Variants in SCFD2 observed in about 807,000 individuals in gnomAD.
The protein encoded by SCFD2 is sec1 family domain-containing protein 2.
SCFD2 carries 54 observed loss-of-function variants against 58.9 expected under a neutral mutation model. That is an observed-to-expected ratio of 0.92 (90% CI 0.74 to 1.15). SCFD2 has a LOEUF of 1.15. SCFD2 is among the 50% of genes most tolerant of loss of function. The pLI, the probability that SCFD2 is intolerant of heterozygous loss-of-function variation, is 0.00. For synonymous variants in SCFD2, 321 were observed against 335.9 expected, an observed-to-expected ratio of 0.96 and a Z score of 0.49; for missense variants, 805 against 836.6, an observed-to-expected ratio of 0.96 and a Z score of 0.47.
At chr4:52,904,907 C>T (rs1053984595) in intron 7 of SCFD2, among the ~76,000 whole-genome samples, 7 of 152,196 alleles carry the variant, frequency 4.6e-5, no homozygotes, top group Admixed American at 3.9e-4. Flanking sequence ...TGGAGGTTCA[C>T]ATCTACTGCT....
intron 5 of SCFD2, among the ~76,000 whole-genome samples, chr4:53,003,452 A>G (rs1560507055): frequency 2.0e-5 from 3 of 152,236 alleles, no homozygotes. Context: ...AGCAGCTATC[A>G]TACTGGGTAA....
chr4:53,160,186 C>T (rs1055565074), intron 4 of SCFD2, among the ~76,000 whole-genome samples: 14 of 152,176 alleles, frequency 9.2e-5, no homozygotes, highest in Non-Finnish European at 1.8e-4. Context: ...GTGGTGTAGC[C>T]GGCCCATTGT....
intron 4 of SCFD2, among the ~76,000 whole-genome samples, chr4:53,253,151 C>G (rs1197664544): frequency 2.6e-5 from 4 of 152,216 alleles, no homozygotes; most frequent in Non-Finnish European, 5.9e-5. Context: ...CTCATCATCA[C>G]TGGCCATCAG....
chr4:53,293,070 A>G (rs1560431506), intron 3 of SCFD2, among the ~76,000 whole-genome samples: 1 of 152,028 alleles, frequency 6.6e-6, no homozygotes, highest in Non-Finnish European at 1.5e-5. Context: ...AAATTTATCA[A>G]TCCAAAAAAA....
intron 8 of SCFD2, among the ~76,000 whole-genome samples, chr4:52,884,225 A>T (rs910965681): frequency 6.6e-6 from 1 of 152,138 alleles, no homozygotes; most frequent in Admixed American, 6.5e-5. Context: ...ATAGATGGGG[A>T]TGTGGGTAGA....
intron 5 of SCFD2, among the ~76,000 whole-genome samples, chr4:52,946,038 T>C (rs1483844203): frequency 6.6e-6 from 1 of 152,204 alleles, no homozygotes; most frequent in Non-Finnish European, 1.5e-5. Flanking sequence ...ACCACGTGCA[T>C]TTGGAATAAG....
chr4:53,052,825 C>T (rs189888595), intron 5 of SCFD2, among the ~76,000 whole-genome samples: 176 of 152,198 alleles, frequency 1.2e-3, no homozygotes, highest in Non-Finnish European at 1.8e-3. Flanking sequence ...AAAGCTACTG[C>T]GACATGCAAC....
intron 3 of SCFD2, among the ~76,000 whole-genome samples, chr4:53,296,505 G>A (rs968480861): frequency 6.6e-6 from 1 of 152,030 alleles, no homozygotes; most frequent in African/African-American, 2.4e-5. Context: ...ATTTTTTATG[G>A]TATCTATTTG....
intron 5 of SCFD2, among the ~76,000 whole-genome samples, chr4:52,983,933 T>A (rs1363689122): frequency 1.3e-5 from 2 of 152,222 alleles, no homozygotes; most frequent in South Asian, 4.1e-4. Context: ...CCTGGAGAAT[T>A]TAGGCTGTTT....
chr4:53,304,470 A>T (rs1247441243), intron 3 of SCFD2, among the ~76,000 whole-genome samples: 1 of 151,764 alleles, frequency 6.6e-6, no homozygotes, highest in Non-Finnish European at 1.5e-5. Context: ...ACACCAATCA[A>T]CTGTAGGTTT....
At chr4:53,217,922 G>T (rs1046208272) in intron 4 of SCFD2, among the ~76,000 whole-genome samples, 1 of 152,196 alleles carries the variant, frequency 6.6e-6, no homozygotes, top group Non-Finnish European at 1.5e-5. Flanking sequence ...GGCTGGATAT[G>T]AAATTCTGGG....
intron 2 of SCFD2, among the ~76,000 whole-genome samples, chr4:53,345,919 G>A (rs572766076): frequency 3.9e-5 from 6 of 152,116 alleles, no homozygotes; most frequent in South Asian, 4.2e-4. Context: ...GACACAGGGC[G>A]GGGAACATCA....
intron 5 of SCFD2, among the ~76,000 whole-genome samples, chr4:53,091,205 A>C (rs1577719214): frequency 6.6e-6 from 1 of 152,208 alleles, no homozygotes; most frequent in East Asian, 1.9e-4. Context: ...TTTGTCTCTG[A>C]AGATTGCTGA....
chr4:53,223,517 G>A (rs944117790), intron 4 of SCFD2, among the ~76,000 whole-genome samples: 2 of 152,140 alleles, frequency 1.3e-5, no homozygotes, highest in African/African-American at 4.8e-5. Flanking sequence ...CATGCTATGC[G>A]CTATCAGAAC....
rs192544668 is a variant in SCFD2 at position 53,308,033 on chromosome 4, G to C, written c.1135+5603C>G. On this transcript the variant is annotated intron_variant, in intron 3 of 8. Transcript: ENST00000401642. ...GTGTGGTCTGAAAGTCCCAGCCCCA[G>C]CATCACGAAGTGGGAGTTTAGATCT... Among the ~76,000 whole-genome samples the C allele has an allele frequency of 3.8e-3, 583 of 152,260 alleles. 6 individuals are homozygous for C. The highest frequency in any genetic ancestry group is 0.031 in the South Asian group (151 of 4,824).
At chr4:53,173,756 T>C (rs755409139) in intron 4 of SCFD2, among the ~76,000 whole-genome samples, 1 of 152,168 alleles carries the variant, frequency 6.6e-6, no homozygotes, top group Non-Finnish European at 1.5e-5. Flanking sequence ...TTATGCATTT[T>C]TGCTTTGTGG....
chr4:53,330,077 A>G (rs1261962442), intron 2 of SCFD2, among the ~76,000 whole-genome samples: 2 of 152,062 alleles, frequency 1.3e-5, no homozygotes, highest in African/African-American at 4.8e-5. Context: ...CAAAGCCTCC[A>G]AGAAATATGG....
chr4:53,190,446 A>G (rs1022851799), intron 4 of SCFD2, among the ~76,000 whole-genome samples: 29 of 152,142 alleles, frequency 1.9e-4, no homozygotes, highest in Non-Finnish European at 3.1e-4. Flanking sequence ...CTCTGCCAAT[A>G]GATGATACAA....
At chr4:52,879,555 G>GT (rs1718559987) in intron 8 of SCFD2, among the ~76,000 whole-genome samples, 1 of 152,192 alleles carries the variant, frequency 6.6e-6, no homozygotes, top group Admixed American at 6.5e-5. Flanking sequence ...GTGAGATGGG[G>GT]TGGAGGACAT....
Sources: gnomAD v4.1 joint callset for allele counts (sites outside exome capture counted in the v4.1 genomes callset) on GRCh38, gnomAD v4.1.1 for gene constraint, MANE v1.5 for transcripts, NCBI Gene and HGNC (gene_info 2026-07-23, HGNC 2026-07-21) for gene names.